The following SLC24A3 variants were observed in gnomAD, a reference collection of about 807,000 sequenced individuals.
SLC24A3 encodes the protein solute carrier family 24 member 3.
In SLC24A3, 28 loss-of-function variants were observed where a neutral mutation model predicts 75.8. The ratio of observed to expected loss-of-function variants is 0.37; its 90% CI spans 0.27 to 0.51. SLC24A3 has a LOEUF of 0.51. Ranked by LOEUF, SLC24A3 falls within the 20% of genes least tolerant of loss-of-function variation. The probability of loss-of-function intolerance (pLI) is 0.94; values close to 1 mark genes in which losing one functional copy is unlikely to be tolerated. For synonymous variants in SLC24A3, 372 were observed against 334.1 expected, an observed-to-expected ratio of 1.11 and a Z score of -1.24; for missense variants, 663 against 847.8, an observed-to-expected ratio of 0.78 and a Z score of 2.71.
At chr20:19,311,586 A>G (rs1278072213) in intron 2 of SLC24A3, among the ~76,000 whole-genome samples, 1 of 151,788 alleles carries the variant, frequency 6.6e-6, no homozygotes, top group Non-Finnish European at 1.5e-5. Context: ...CCATCCTGGG[A>G]GGTGTGGGGT....
chr20:19,496,101 G>A (rs959942940), intron 2 of SLC24A3, among the ~76,000 whole-genome samples: 3 of 152,124 alleles, frequency 2.0e-5, no homozygotes, highest in East Asian at 1.9e-4. Flanking sequence ...GGGACACCCC[G>A]GCTCCCTTTG....
chr20:19,652,882 T>C (rs1568686006), intron 6 of SLC24A3, among the ~76,000 whole-genome samples: 1 of 152,246 alleles, frequency 6.6e-6, no homozygotes, highest in East Asian at 1.9e-4. Flanking sequence ...GCTGAGAGTG[T>C]TGACTTGTGC....
At chr20:19,440,721 G>A (rs986528507) in intron 2 of SLC24A3, among the ~76,000 whole-genome samples, 2 of 148,546 alleles carry the variant, frequency 1.3e-5, no homozygotes, top group African/African-American at 5.0e-5. Context: ...TCAGCTACTA[G>A]AGGTAAGTCC....
intron 16 of SLC24A3, among the ~76,000 whole-genome samples, chr20:19,718,514 C>A (rs774811928): frequency 6.6e-6 from 1 of 152,206 alleles, no homozygotes. Context: ...ACCTATTATA[C>A]AAATGAGCGA....
chr20:19,273,215 G>T (rs1464267918), intron 1 of SLC24A3, among the ~76,000 whole-genome samples: 1 of 152,226 alleles, frequency 6.6e-6, no homozygotes, highest in Non-Finnish European at 1.5e-5. Context: ...TGTGGGCGAG[G>T]CCATGTAGGG....
chr20:19,618,393 C>T (rs1428401043), intron 6 of SLC24A3, among the ~76,000 whole-genome samples: 3 of 152,220 alleles, frequency 2.0e-5, no homozygotes, highest in African/African-American at 7.2e-5. Flanking sequence ...CGTCTTCCCC[C>T]TCCCCATGTC....
intron 6 of SLC24A3, among the ~76,000 whole-genome samples, chr20:19,628,327 C>T (rs2031892210): frequency 2.0e-5 from 3 of 151,764 alleles, no homozygotes; most frequent in Non-Finnish European, 4.4e-5. Flanking sequence ...GATGGTGGAA[C>T]AGGAAGCCCC....
intron 1 of SLC24A3, among the ~76,000 whole-genome samples, chr20:19,255,602 C>G (rs570591346): frequency 2.2e-4 from 33 of 152,278 alleles, no homozygotes; most frequent in African/African-American, 4.6e-4. Context: ...GGCCTTGGGG[C>G]AAGTCATTGT....
chr20:19,381,527 C>T (rs1313123386), intron 2 of SLC24A3, among the ~76,000 whole-genome samples: 4 of 152,154 alleles, frequency 2.6e-5, no homozygotes, highest in Non-Finnish European at 5.9e-5. Flanking sequence ...CAGCAGAAGA[C>T]GCTTGCAGGA....
chr20:19,583,413 G>C (rs1020608121), intron 4 of SLC24A3, among the ~76,000 whole-genome samples: 20 of 152,268 alleles, frequency 1.3e-4, no homozygotes, highest in African/African-American at 4.3e-4. Context: ...GCCAGGCTGG[G>C]CGTTAGGAAT....
chr20:19,247,564 C>T (rs1568567974), intron 1 of SLC24A3, among the ~76,000 whole-genome samples: 1 of 152,120 alleles, frequency 6.6e-6, no homozygotes, highest in Admixed American at 6.6e-5. Context: ...TCCCAATTCT[C>T]TCTGGTTTGG....
intron 1 of SLC24A3, among the ~76,000 whole-genome samples, chr20:19,257,246 G>C (rs576495284): frequency 1.3e-5 from 2 of 152,316 alleles, no homozygotes; most frequent in East Asian, 3.9e-4. Flanking sequence ...GCCTCCGTAA[G>C]CAGCCTGGAG....
At chr20:19,433,236 G>A (rs952446707) in intron 2 of SLC24A3, among the ~76,000 whole-genome samples, 38 of 152,224 alleles carry the variant, frequency 2.5e-4, no homozygotes, top group African/African-American at 7.7e-4. Flanking sequence ...CCAAATCCTC[G>A]TACATAAAAC....
At chr20:19,551,340 G>A (rs917240268) in intron 3 of SLC24A3, among the ~76,000 whole-genome samples, 1 of 152,142 alleles carries the variant, frequency 6.6e-6, no homozygotes, top group African/African-American at 2.4e-5. Flanking sequence ...ACTATGGTAT[G>A]ATTATGGAGG....
intron 3 of SLC24A3, among the ~76,000 whole-genome samples, chr20:19,536,268 T>C (rs1210352096): frequency 1.3e-5 from 2 of 152,186 alleles, no homozygotes; most frequent in East Asian, 1.9e-4. Flanking sequence ...TTTGTAGTCA[T>C]ACACAGTACA....
chr20:19,615,494 G>A (rs1329300890), intron 6 of SLC24A3, among the ~76,000 whole-genome samples: 1 of 152,138 alleles, frequency 6.6e-6, no homozygotes, highest in Non-Finnish European at 1.5e-5. Context: ...GGGAAAGCAG[G>A]CATATCACAC....
chr20:19,287,070 A>G (rs905666339), intron 2 of SLC24A3, among the ~76,000 whole-genome samples: 1 of 152,240 alleles, frequency 6.6e-6, no homozygotes, highest in Admixed American at 6.5e-5. Flanking sequence ...AATTATTTAG[A>G]TAGGGTAATA....
At chr20:19,683,480 C>A (rs1355541784) in intron 10 of SLC24A3, among the ~76,000 whole-genome samples, 1 of 152,208 alleles carries the variant, frequency 6.6e-6, no homozygotes, top group African/African-American at 2.4e-5. Flanking sequence ...TTGTCCCAAG[C>A]ACTCTTCTGA....
intron 2 of SLC24A3, among the ~76,000 whole-genome samples, chr20:19,347,887 G>C (rs945726491): frequency 2.0e-5 from 3 of 152,166 alleles, no homozygotes; most frequent in African/African-American, 7.2e-5. Context: ...CTACTTGATG[G>C]GGTTGTTGTG....
Sources: gnomAD v4.1 joint callset for allele counts (sites outside exome capture counted in the v4.1 genomes callset) on GRCh38, gnomAD v4.1.1 for gene constraint, MANE v1.5 for transcripts, NCBI Gene and HGNC (gene_info 2026-07-23, HGNC 2026-07-21) for gene names.